The following CREBBP variants were observed in gnomAD, a reference collection of about 807,000 sequenced individuals.
CREBBP encodes the protein CREB binding lysine acetyltransferase.
CREBBP carries 19 observed loss-of-function variants against 265.0 expected under a neutral mutation model. The ratio of observed to expected loss-of-function variants is 0.07; its 90% CI spans 0.05 to 0.11. The LOEUF (loss-of-function observed/expected upper bound fraction) is 0.11. Ranked by LOEUF, CREBBP falls within the 10% of genes least tolerant of loss-of-function variation. CREBBP has a pLI of 1.00. For synonymous variants in CREBBP, 1,457 were observed against 1,223.7 expected, an observed-to-expected ratio of 1.19 and a Z score of -3.98; for missense variants, 2,525 against 3,219.0, an observed-to-expected ratio of 0.78 and a Z score of 5.22.
At chr16:3,821,707 A>T (rs1226568629) in intron 2 of CREBBP, among the ~76,000 whole-genome samples, 2 of 152,200 alleles carry the variant, frequency 1.3e-5, no homozygotes, top group Admixed American at 1.3e-4. Flanking sequence ...AAAGGTGATA[A>T]AAAATGTGAG....
chr16:3,776,616 C>T (rs1450888332), intron 11 of CREBBP, among the ~76,000 whole-genome samples: 1 of 152,162 alleles, frequency 6.6e-6, no homozygotes, highest in Non-Finnish European at 1.5e-5. Flanking sequence ...GCATGCTTCT[C>T]CTTCTCAGCA....
At chr16:3,809,806 C>T (rs928445135) in intron 3 of CREBBP, among the ~76,000 whole-genome samples, 3 of 151,910 alleles carry the variant, frequency 2.0e-5, no homozygotes, top group Non-Finnish European at 2.9e-5. Context: ...GAACATAATC[C>T]TCTCACTTTC....
At chr16:3,875,415 G>A (rs921059354) in intron 1 of CREBBP, among the ~76,000 whole-genome samples, 4 of 152,092 alleles carry the variant, frequency 2.6e-5, no homozygotes, top group Non-Finnish European at 4.4e-5. Context: ...TAACATAACC[G>A]TTTCTCATTC....
rs771752662 is a variant in CREBBP at position 3,879,999 on chromosome 16, T to A, written c.-83A>T. 41 of 1,373,118 alleles carry A rather than the reference T, an allele frequency of 3.0e-5. No individual in the cohort carries two copies. The African/African-American group carries it at 5.0e-4, about 17-fold the overall frequency. The allele number at this position is 1,373,118 out of a possible 1,614,324, so 85.1% of individuals were successfully genotyped here. On this transcript the variant is annotated 5_prime_UTR_variant, in exon 1 of 31. Transcript: ENST00000262367. ...GACGGGGGTCGGGGGCCCTGCCGGC[T>A]GCGAGGGAGAGGAGCGAGCGCGGGC...
chr16:3,769,938 T>A (rs1050646824), intron 14 of CREBBP, among the ~76,000 whole-genome samples: 58 of 152,168 alleles, frequency 3.8e-4, no homozygotes, highest in Admixed American at 5.2e-4. Context: ...TGGCGCAATC[T>A]CGGCTCGATA....
intron 2 of CREBBP, among the ~76,000 whole-genome samples, chr16:3,814,215 C>CTGTGTG (rs6145729): frequency 3.6e-4 from 37 of 104,062 alleles, no homozygotes; most frequent in African/African-American, 4.5e-4. Flanking sequence ...GAGTCTCGTT[C>CTGTGTG]TGTGTGTGTG....
At position 3,739,565 on chromosome 16, in the gene CREBBP, G is replaced by C. The variant is rs2052151159; in HGVS notation, c.4280+13C>G. On this transcript the variant is annotated intron_variant, in intron 25 of 30. Coordinates refer to ENST00000262367, the MANE Select transcript of CREBBP (RefSeq NM_004380.3). Reference sequence around the variant, plus strand: ...CACTGAATGACACGCCCTGGAAGGAGCTGGAAAACTACCTCGTGTTTGGAG... The same window carrying C: ...CACTGAATGACACGCCCTGGAAGGACCTGGAAAACTACCTCGTGTTTGGAG... 1.2e-6 allele frequency: 2 copies of C among 1,614,064 alleles called. No individual in the cohort carries two copies. The highest frequency in any genetic ancestry group is 1.3e-5 in the African/African-American group (1 of 74,920).
intron 2 of CREBBP, among the ~76,000 whole-genome samples, chr16:3,847,585 G>T (rs964133647): frequency 5.9e-5 from 9 of 152,172 alleles, no homozygotes; most frequent in Non-Finnish European, 5.9e-5. Context: ...GCACGCTAAC[G>T]AGGCTCACTT....
chr16:3,748,662 C>A (rs1027327133), intron 21 of CREBBP, among the ~76,000 whole-genome samples: 2 of 152,226 alleles, frequency 1.3e-5, no homozygotes, highest in East Asian at 3.9e-4. Flanking sequence ...GTAGCCAACG[C>A]TCCTGGAGCC....
At chr16:3,814,164 A>AGTGTGTGTGTGTGTGTGT (rs35866243) in intron 2 of CREBBP, among the ~76,000 whole-genome samples, 21 of 119,768 alleles carry the variant, frequency 1.8e-4, no homozygotes, top group African/African-American at 4.8e-4. Flanking sequence ...AATGTTGTTT[A>AGTGTGTGTGTGTGTGTGT]GTGTGTGTGT....
chr16:3,804,332 T>C (rs550677697), intron 3 of CREBBP, among the ~76,000 whole-genome samples: 1 of 152,302 alleles, frequency 6.6e-6, no homozygotes, highest in East Asian at 1.9e-4. Context: ...TTACAGGTTC[T>C]AAGGATTAGA....
chr16:3,846,710 C>T (rs2054674496), intron 2 of CREBBP, among the ~76,000 whole-genome samples: 1 of 152,304 alleles, frequency 6.6e-6, no homozygotes, highest in African/African-American at 2.4e-5. Context: ...AACATCTACA[C>T]TCACAAGAAA....
chr16:3,877,861 G>C (rs1273587576), intron 1 of CREBBP, among the ~76,000 whole-genome samples: 1 of 152,246 alleles, frequency 6.6e-6, no homozygotes, highest in African/African-American at 2.4e-5. Context: ...GCCATTTAAA[G>C]CTGACTTTTG....
chr16:3,736,505 G>A (rs2052065375), intron 27 of CREBBP, 145 bp downstream of exon 27: 1 of 1,231,452 alleles, frequency 8.1e-7, no homozygotes. Flanking sequence ...ATGCTTCTAA[G>A]TTCTCACTTT....
At position 3,850,856 on chromosome 16, in the gene CREBBP, G is replaced by A; in HGVS notation, c.239C>T (p.Ser80Phe). The A allele has an allele frequency of 1.2e-6, 2 of 1,614,164 alleles. No homozygotes were observed. Among genetic ancestry groups the A allele is most frequent in the Non-Finnish European group, 1.7e-6 (2 of 1,180,056 alleles). ...ATTTCCTATTCCTGGGTTGATACTA[G>A]AGCCGCTGCCTCCTCGTAGAAGCTC... ...LSELLRGGSG[S>F]SINPGIGNVS... The change falls in exon 2 of 31, where the codon TCT becomes TTT. Residue 80 changes from serine (S) to phenylalanine (F), a missense_variant. Around this residue, in one of 19 missense-constraint regions of CREBBP, gnomAD observed 356 missense variants for 340.4 expected, o/e 1.05. Transcript: ENST00000262367.
In CREBBP at chr16:3,770,855, G is replaced by T; in HGVS notation, c.2595C>A (p.Gly865=). The T allele has an allele frequency of 6.2e-7, 1 of 1,613,930 alleles. No homozygotes were observed. Among genetic ancestry groups the T allele is most frequent in the Non-Finnish European group, 8.5e-7 (1 of 1,180,010 alleles). ...PTPPPASTAA[G]MPSLQHTTPP... ...GTGTCGTGTGCTGGAGAGATGGCAT[G>T]CCAGCAGCCGTGGAAGCAGGAGGCG... The change falls in exon 14 of 31, where the codon GGC becomes GGA. Residue 865 remains glycine, a synonymous_variant. Coordinates refer to ENST00000262367, the MANE Select transcript of CREBBP (RefSeq NM_004380.3).
chr16:3,803,284 A>C (rs867344324), intron 3 of CREBBP, among the ~76,000 whole-genome samples: 1 of 36,358 alleles, frequency 2.8e-5, no homozygotes, highest in African/African-American at 1.2e-4. Flanking sequence ...GGGGGGGTGG[A>C]TCACGAGGTC....
intron 1 of CREBBP, among the ~76,000 whole-genome samples, chr16:3,852,070 A>C (rs970834639): frequency 7.0e-6 from 1 of 143,208 alleles, no homozygotes; most frequent in African/African-American, 2.6e-5. Context: ...AAAAAAAAAA[A>C]AAAAAGAATG....
At chr16:3,800,142 A>G (rs914047741) in intron 3 of CREBBP, among the ~76,000 whole-genome samples, 4 of 152,172 alleles carry the variant, frequency 2.6e-5, no homozygotes, top group African/African-American at 9.7e-5. Context: ...ATTTTTGGAG[A>G]CAGGGTCTCA....
Sources: gnomAD v4.1 joint callset for allele counts (sites outside exome capture counted in the v4.1 genomes callset) on GRCh38, gnomAD v4.1.1 for gene constraint, gnomAD v4.1.1 regional missense constraint, MANE v1.5 for transcripts, NCBI Gene and HGNC (gene_info 2026-07-23, HGNC 2026-07-21) for gene names.